Variants in ELP3 observed in about 807,000 individuals in gnomAD.
ELP3 encodes the protein elongator acetyltransferase complex subunit 3.
ELP3 carries 56 observed loss-of-function variants against 74.9 expected under a neutral mutation model. That is an observed-to-expected ratio of 0.75 (90% confidence interval 0.60 to 0.93). The LOEUF (loss-of-function observed/expected upper bound fraction) is 0.93. Among genes scored for constraint, ELP3 ranks in the 40% least tolerant of loss-of-function variants. The pLI is 0.00. For synonymous variants in ELP3, 222 were observed against 239.8 expected (o/e 0.93, Z 0.68); for missense variants, 573 against 686.5 (o/e 0.83, Z 1.85).
chr8:28,105,329 G>A (rs1811645787), intron 3 of ELP3, among the ~76,000 whole-genome samples: 1 of 152,224 alleles, frequency 6.6e-6, no homozygotes, highest in Admixed American at 6.5e-5. Flanking sequence ...GGTGGAGGTT[G>A]CAGTGAGCCA....
At chr8:28,166,547 A>T (rs1294298590) in intron 14 of ELP3, among the ~76,000 whole-genome samples, 1 of 152,184 alleles carries the variant, frequency 6.6e-6, no homozygotes, top group Non-Finnish European at 1.5e-5. Flanking sequence ...TTACTTAAAA[A>T]CCACGATGTT....
chr8:28,163,687 GT>G (rs1814195903), intron 14 of ELP3, among the ~76,000 whole-genome samples: 3 of 152,298 alleles, frequency 2.0e-5, no homozygotes, highest in Admixed American at 6.5e-5. Flanking sequence ...TTGATCAGAA[GT>G]ACCAGGCAAG....
chr8:28,151,974 C>T (rs957374150), intron 10 of ELP3, among the ~76,000 whole-genome samples: 3 of 152,168 alleles, frequency 2.0e-5, no homozygotes, highest in Non-Finnish European at 4.4e-5. Flanking sequence ...TCTGAGCCTC[C>T]AGCAGTTCAT....
intron 1 of ELP3, among the ~76,000 whole-genome samples, chr8:28,093,829 C>T (rs1353307857): frequency 6.6e-6 from 1 of 152,156 alleles, no homozygotes; most frequent in East Asian, 1.9e-4. Flanking sequence ...CTGGTCTAAT[C>T]ATGGTAATTG....
rs1233323960 is a variant in ELP3 at position 28,190,783 on chromosome 8, T to C, written c.*1058T>C. ...CATATTGGTCAGGCTGGTCTCGAAC[T>C]CCTGACCTCAGGTGATCAACCCACC... On this transcript the variant is annotated 3_prime_UTR_variant, in exon 15 of 15. Transcript: ENST00000256398. The C allele has an allele frequency of 2.6e-5, 4 of 152,182 alleles. No individual in the cohort carries two copies. The East Asian group carries it at 7.7e-4, about 29-fold the overall frequency. The allele number at this position is 152,182 out of a possible 1,614,324, so 9.4% of individuals were successfully genotyped here.
At chr8:28,179,320 C>G (rs772654103) in intron 14 of ELP3, among the ~76,000 whole-genome samples, 29 of 152,204 alleles carry the variant, frequency 1.9e-4, no homozygotes, top group Non-Finnish European at 3.4e-4. Context: ...TACAGTTTAT[C>G]TGTTTTACTG....
intron 14 of ELP3, among the ~76,000 whole-genome samples, chr8:28,179,867 G>A (rs1315915192): frequency 2.6e-5 from 4 of 152,132 alleles, no homozygotes; most frequent in Non-Finnish European, 5.9e-5. Context: ...TGTGGCCTGG[G>A]GGTTGGGGAC....
chr8:28,185,617 A>C (rs13275530), intron 14 of ELP3, among the ~76,000 whole-genome samples: 3 of 151,950 alleles, frequency 2.0e-5, no homozygotes, highest in Non-Finnish European at 2.9e-5. Flanking sequence ...AGATAGGGGA[A>C]GTATCTGCAC....
chr8:28,106,356 C>T (rs868462935), intron 3 of ELP3, among the ~76,000 whole-genome samples: 10 of 151,700 alleles, frequency 6.6e-5, no homozygotes, highest in South Asian at 2.1e-4. Flanking sequence ...CCGGCTAAAA[C>T]GGTGAAACCC....
intron 3 of ELP3, among the ~76,000 whole-genome samples, chr8:28,101,280 C>T (rs1326187299): frequency 6.6e-6 from 1 of 151,772 alleles, no homozygotes; most frequent in African/African-American, 2.4e-5. Flanking sequence ...ATTAGCCGGG[C>T]GTTGTGGCGG....
At chr8:28,135,181 G>A (rs1384504348) in intron 9 of ELP3, among the ~76,000 whole-genome samples, 1 of 152,194 alleles carries the variant, frequency 6.6e-6, no homozygotes, top group Non-Finnish European at 1.5e-5. Flanking sequence ...GCCCGCCTCT[G>A]CCTCCCAAAG....
chr8:28,184,801 G>A (rs1447693126), intron 14 of ELP3, among the ~76,000 whole-genome samples: 2 of 152,102 alleles, frequency 1.3e-5, no homozygotes, highest in African/African-American at 4.8e-5. Flanking sequence ...CATGTCTCCA[G>A]GAACTGAGCT....
intron 2 of ELP3, 33 bp downstream of exon 2, chr8:28,097,351 C>T (rs772563558): frequency 7.0e-7 from 1 of 1,423,612 alleles, no homozygotes; most frequent in East Asian, 2.3e-5. Flanking sequence ...CAAGCTTGTT[C>T]TTAGGTAGCA....
chr8:28,128,935 A>G (rs1812686879), intron 7 of ELP3, among the ~76,000 whole-genome samples: 2 of 152,232 alleles, frequency 1.3e-5, no homozygotes, highest in South Asian at 4.1e-4. Context: ...ATGATTGGTA[A>G]TTTTGTAAAT....
upstream of ELP3, chr8:28,092,900 C>T: frequency 2.2e-6 from 1 of 458,578 alleles, no homozygotes; most frequent in Non-Finnish European, 4.0e-6. Flanking sequence ...TCCAGGAACT[C>T]TGTCCCATAG....
intron 11 of ELP3, 104 bp from the exon 12 acceptor site, chr8:28,158,464 T>G: frequency 1.2e-6 from 1 of 810,708 alleles, no homozygotes; most frequent in Non-Finnish European, 2.1e-6. Flanking sequence ...AGCCCAGGGT[T>G]TGGTGGAGAG....
chr8:28,128,498 G>A (rs1375773753), intron 7 of ELP3, among the ~76,000 whole-genome samples: 1 of 152,118 alleles, frequency 6.6e-6, no homozygotes, highest in Non-Finnish European at 1.5e-5. Context: ...GAGAGATGTT[G>A]AAAAGCAGAG....
intron 10 of ELP3, among the ~76,000 whole-genome samples, chr8:28,148,033 A>G (rs1490903361): frequency 6.6e-6 from 1 of 152,234 alleles, no homozygotes; most frequent in Non-Finnish European, 1.5e-5. Context: ...ATAAATGAAT[A>G]GATAAATAGG....
At chr8:28,105,250 C>T (rs1301551507) in intron 3 of ELP3, among the ~76,000 whole-genome samples, 5 of 152,078 alleles carry the variant, frequency 3.3e-5, no homozygotes, top group African/African-American at 9.7e-5. Flanking sequence ...ATTAGCCAGG[C>T]ATGGTGGCAC....
Sources: allele counts gnomAD v4.1 joint callset (sites outside exome capture counted in the v4.1 genomes callset), GRCh38; gene constraint gnomAD v4.1.1; transcripts MANE v1.5; gene names NCBI Gene and HGNC (gene_info 2026-07-23, HGNC 2026-07-21).